The following TRIM7 variants were observed in gnomAD, a reference collection of about 807,000 sequenced individuals.
The protein encoded by TRIM7 is tripartite motif containing 7, also known as E3 ubiquitin-protein ligase TRIM7.
A neutral mutation model predicts 37.9 loss-of-function variants in TRIM7; 32 were observed. That is an observed-to-expected ratio of 0.84 (90% CI 0.64 to 1.13). The LOEUF (loss-of-function observed/expected upper bound fraction) is 1.13, where lower values mean the gene tolerates loss of function less well. Ranked by LOEUF, TRIM7 falls within the 50% of genes most tolerant of loss-of-function variation. The probability of loss-of-function intolerance (pLI) is 0.00; values close to 1 mark genes in which losing one functional copy is unlikely to be tolerated. For missense variants in TRIM7, 732 were observed against 714.0 expected (o/e 1.03, Z -0.29); for synonymous variants, 351 against 321.3 (o/e 1.09, Z -0.99).
In TRIM7 at chr5:181,204,672, C is replaced by T; in HGVS notation, c.439G>A (p.Ala147Thr). 2 of 1,511,106 alleles carry T rather than the reference C, an allele frequency of 1.3e-6. No individual in the cohort carries two copies. The highest frequency in any genetic ancestry group is 2.1e-5 in the Admixed American group (1 of 47,994). The allele number at this position is 1,511,106 out of a possible 1,614,324, so 93.6% of individuals were successfully genotyped here. Residue 147 changes from alanine (A) to threonine (T), a missense_variant, in exon 1 of 7, where the codon GCC becomes ACC. Coordinates refer to ENST00000274773, the MANE Select transcript of TRIM7 (RefSeq NM_203293.3). ...GCGCGGTCGCACACCACGCAGATGG[C>T]GCGTCCGTCGTCCTGGCAGTAGAGC... ...FKLYCQDDGRAICVVCDRARE... is the reference protein window; with the variant it reads ...FKLYCQDDGRTICVVCDRARE...
At chr5:181,203,686 G>A in intron 1 of TRIM7, 46 bp from the exon 2 acceptor site, 1 of 1,565,184 alleles carries the variant, frequency 6.4e-7, no homozygotes, top group Non-Finnish European at 8.6e-7. Context: ...AGGGGCTTCT[G>A]GAAACCCCCA....
chr5:181,195,417 C>G lies in TRIM7; in HGVS notation c.1285G>C (p.Glu429Gln). The G allele has an allele frequency of 2.5e-6, 4 of 1,599,222 alleles. No individual in the cohort carries two copies. Among genetic ancestry groups the G allele is most frequent in the Non-Finnish European group, 3.4e-6 (4 of 1,173,130 alleles). The change falls in exon 7 of 7, where the codon GAG (glutamate) becomes CAG (glutamine). Residue 429 changes from glutamate to glutamine, a missense_variant. Glu to Gln is a conservative substitution (Grantham distance 29). Transcript: ENST00000274773. ...AGCTGCAGGGCCCAGACGCCCTCCT[C>G]GGGAGTGAAGGGCGTCAGGCCCTTT... The part of the protein sequence containing the change: ...RRKGLTPFTP[E>Q]EGVWALQLNG...
rs1199785011 is a variant in TRIM7 at position 181,199,726 on chromosome 5, T to A, written c.849+125A>T. The A allele has an allele frequency of 3.5e-6, 5 of 1,426,398 alleles. No homozygotes were observed. In the East Asian group the frequency reaches 1.2e-4, roughly 36 times the overall value. 88.4% of individuals were successfully genotyped at this position (1,426,398 alleles called of 1,614,324 possible). A position where few individuals can be genotyped will look rare whatever the true frequency, so the allele number is the denominator to read the frequency against. On this transcript the variant is annotated intron_variant, in intron 3 of 6. Coordinates refer to ENST00000274773, the MANE Select transcript of TRIM7 (RefSeq NM_203293.3). ...CCCCAGGAAAATCAGGGCACTTCTC[T>A]CCAGTCCCCTTCAGCTCCAGATCAT... is the stretch of plus-strand genomic sequence containing the variant.
At chr5:181,201,532 G>A (rs1049623371) in intron 2 of TRIM7, among the ~76,000 whole-genome samples, 1 of 152,262 alleles carries the variant, frequency 6.6e-6, no homozygotes, top group East Asian at 1.9e-4. Context: ...AGGGGAGAAG[G>A]TTGCTTGAGC....
chr5:181,198,959 T>C, intron 4 of TRIM7, 136 bp downstream of exon 4: 1 of 1,295,196 alleles, frequency 7.7e-7, no homozygotes. Flanking sequence ...AGGTGGGCGT[T>C]TGTCTCGGAA....
At chr5:181,200,893 T>C (rs1166709292) in intron 2 of TRIM7, 2 of 985,404 alleles carry the variant, frequency 2.0e-6, no homozygotes, top group African/African-American at 3.5e-5. Flanking sequence ...TGTCCTACAA[T>C]GCCCCCACCT....
At chr5:181,199,047 A>C in intron 4 of TRIM7, 48 bp downstream of exon 4, 1 of 1,612,258 alleles carries the variant, frequency 6.2e-7, no homozygotes, top group Non-Finnish European at 8.5e-7. Flanking sequence ...CTCAGTGAAA[A>C]GGGAAGAAGC....
chr5:181,204,454 T>C, intron 1 of TRIM7, 135 bp downstream of exon 1: 4 of 1,163,592 alleles, frequency 3.4e-6, no homozygotes, highest in Non-Finnish European at 2.2e-6. Context: ...CTGGGCTTCC[T>C]GGAATGGAGA....
rs1208496214 is a variant in TRIM7 at position 181,194,250 on chromosome 5, A to C, written c.*916T>G. ...GTTTCAAAGTTCCAGAAGCAAAAACAAAAAAAGTTCGGGTACAGCGGCTCA... is the reference window on the plus strand; with the variant it reads ...GTTTCAAAGTTCCAGAAGCAAAAACCAAAAAAGTTCGGGTACAGCGGCTCA... On this transcript the variant is annotated 3_prime_UTR_variant, in exon 7 of 7. Coordinates refer to ENST00000274773, the MANE Select transcript of TRIM7 (RefSeq NM_203293.3). 1 of 152,266 alleles carries C rather than the reference A, an allele frequency of 6.6e-6. No individual in the cohort carries two copies. Among genetic ancestry groups the C allele is most frequent in the Non-Finnish European group, 1.5e-5 (1 of 68,060 alleles). The allele number at this position is 152,266 out of a possible 1,614,324, so 9.4% of individuals were successfully genotyped here. A position where few individuals can be genotyped will look rare whatever the true frequency, so the allele number is the denominator to read the frequency against.
intron 2 of TRIM7, 84 bp from the exon 3 acceptor site, chr5:181,200,165 A>G (rs1162574062): frequency 1.9e-6 from 3 of 1,610,202 alleles, no homozygotes; most frequent in Non-Finnish European, 1.7e-6. Context: ...CCACAGGGCA[A>G]GGCTTCGTCC....
intron 2 of TRIM7, among the ~76,000 whole-genome samples, chr5:181,201,683 C>A (rs549986639): frequency 6.6e-6 from 1 of 152,282 alleles, no homozygotes; most frequent in East Asian, 1.9e-4. Context: ...GGGGGGATCG[C>A]TTGAACGACT....
rs1340529911 is a variant in TRIM7 at position 181,204,737 on chromosome 5, G to T, written c.374C>A (p.Ala125Glu). 25 of 1,464,140 alleles carry T rather than the reference G, an allele frequency of 1.7e-5. No individual in the cohort carries two copies. Among genetic ancestry groups the T allele is most frequent in the Non-Finnish European group, 2.1e-5 (24 of 1,117,454 alleles). The allele number at this position is 1,464,140 out of a possible 1,614,324, so 90.7% of individuals were successfully genotyped here. ...ATGCTGCCCGCAGCGGGCAGCCGCT[G>T]CCCGGGCCGCGGCCGCCTGAGACCC... The part of the protein sequence containing the change: ...EHGSQAAAAR[A>E]AAARCGQHGE... The change falls in exon 1 of 7, where the codon GCA becomes GAA. Residue 125 changes from alanine (A) to glutamate (E), a missense_variant. Transcript: ENST00000274773.
intron 2 of TRIM7, chr5:181,200,775 GT>G: frequency 1.0e-6 from 1 of 985,920 alleles, no homozygotes; most frequent in Non-Finnish European, 1.2e-6. Flanking sequence ...GATTTTTTAT[GT>G]GAACACACGT....
intron 6 of TRIM7, chr5:181,197,948 G>A (rs1403434541): frequency 1.2e-5 from 7 of 574,026 alleles, no homozygotes; most frequent in Admixed American, 3.0e-5. Context: ...GTATCTCGAG[G>A]TACAGGGCAT....
intron 2 of TRIM7, 25 bp downstream of exon 2, chr5:181,203,520 G>C: frequency 2.5e-6 from 4 of 1,613,798 alleles, no homozygotes; most frequent in East Asian, 2.2e-5. Flanking sequence ...ATGTCCCACG[G>C]GGGGCCTGCG....
In TRIM7 at chr5:181,205,075, G is replaced by T. The variant is rs1192100545; in HGVS notation, c.36C>A (p.Thr12=). The T allele has an allele frequency of 2.2e-6, 3 of 1,370,088 alleles. No individual in the cohort carries two copies. The highest frequency in any genetic ancestry group is 3.1e-5 in the African/African-American group (2 of 65,456). 84.9% of individuals were successfully genotyped at this position (1,370,088 alleles called of 1,614,324 possible). Residue 12 remains threonine, a synonymous_variant, in exon 1 of 7, where the codon ACC becomes ACA. Transcript: ENST00000274773. ...AAVGPRTGPG[T]GAEALALAAE... ...CCGCCAGCGCTAGAGCCTCGGCGCC[G>T]GTTCCGGGGCCGGTCCGCGGTCCCA... is the stretch of plus-strand genomic sequence containing the variant.
intron 6 of TRIM7, chr5:181,197,964 C>T: frequency 3.4e-6 from 2 of 593,592 alleles, no homozygotes; most frequent in South Asian, 2.0e-5. Context: ...GGCATTCCTG[C>T]TCCTAACCAA....
chr5:181,198,548 C>T lies in TRIM7; in HGVS notation c.988+142G>A, dbSNP rs1294458686. On this transcript the variant is annotated intron_variant, in intron 5 of 6. Transcript: ENST00000274773. ...GCCTGACTAGATTTGCCACCACAGC[C>T]CCTACACCAATCTGGCCATGGCACA... is the stretch of plus-strand genomic sequence containing the variant. 2.4e-5 allele frequency: 17 copies of T among 697,450 alleles called. No individual in the cohort carries two copies. In the Admixed American group the frequency reaches 3.9e-4, roughly 16 times the overall value. 43.2% of individuals were successfully genotyped at this position (697,450 alleles called of 1,614,324 possible).
In TRIM7 at chr5:181,195,189, T is replaced by A; in HGVS notation, c.1513A>T (p.Thr505Ser). ...FPLFSVCSTG[T>S]YLRIWP Reference sequence around the variant, plus strand: ...CCTCAAGGCCAGATTCGCAAGTAGGTGCCCGTGGAGCAAACAGAGAAAAGC... The same window carrying A: ...CCTCAAGGCCAGATTCGCAAGTAGGAGCCCGTGGAGCAAACAGAGAAAAGC... Residue 505 changes from threonine to serine, a missense_variant, in exon 7 of 7, where the codon ACC becomes TCC. Physicochemically the swap from Thr to Ser is moderately conservative, Grantham distance 58. Transcript: ENST00000274773. 6.2e-7 allele frequency: 1 copy of A among 1,606,828 alleles called. No individual in the cohort carries two copies. Among genetic ancestry groups the A allele is most frequent in the Non-Finnish European group, 8.5e-7 (1 of 1,175,764 alleles).
Sources: allele counts gnomAD v4.1 joint callset (sites outside exome capture counted in the v4.1 genomes callset), GRCh38; gene constraint gnomAD v4.1.1; transcripts MANE v1.5; gene names NCBI Gene and HGNC (gene_info 2026-07-23, HGNC 2026-07-21).